RHCE: variants seen among roughly 807,000 people sequenced by gnomAD.
RHCE encodes Rh blood group CcEe antigens.
RHCE carries 22 observed loss-of-function variants against 43.8 expected under a neutral mutation model. The observed-to-expected ratio is 0.50, with a 90% CI of 0.36 to 0.72. The LOEUF (loss-of-function observed/expected upper bound fraction) is 0.72. Ranked by LOEUF, RHCE falls within the 30% of genes least tolerant of loss-of-function variation. RHCE has a pLI of 0.00. For synonymous variants in RHCE, 156 were observed against 210.7 expected, an observed-to-expected ratio of 0.74 and a Z score of 2.25; for missense variants, 385 against 525.4, an observed-to-expected ratio of 0.73 and a Z score of 2.61.
intron 8 of RHCE, among the ~76,000 whole-genome samples, chr1:25,373,688 A>G (rs1311176827): frequency 1.3e-5 from 2 of 151,674 alleles, no homozygotes; most frequent in Non-Finnish European, 2.9e-5. Context: ...GACATGCCCA[A>G]TGTCACCACA....
At chr1:25,419,294 G>A (rs1333179025) in intron 1 of RHCE, among the ~76,000 whole-genome samples, 1 of 152,202 alleles carries the variant, frequency 6.6e-6, no homozygotes, top group African/African-American at 2.4e-5. Context: ...TGAATGGAAT[G>A]CATTGAATTG....
chr1:25,381,317 C>A (rs1250360048), intron 7 of RHCE, among the ~76,000 whole-genome samples: 2 of 152,186 alleles, frequency 1.3e-5, no homozygotes, highest in Non-Finnish European at 1.5e-5. Context: ...CCTTCACCAG[C>A]CACATTTCTA....
intron 8 of RHCE, among the ~76,000 whole-genome samples, chr1:25,372,404 A>T (rs1250601799): frequency 6.6e-6 from 1 of 151,518 alleles, no homozygotes; most frequent in African/African-American, 2.4e-5. Flanking sequence ...CTGTAATCCC[A>T]GCTACTCAGG....
chr1:25,422,871 ATCCC>A (rs1401477907), upstream of RHCE, among the ~76,000 whole-genome samples: 1 of 152,128 alleles, frequency 6.6e-6, no homozygotes, highest in Non-Finnish European at 1.5e-5. Context: ...CGCAACCTAG[ATCCC>A]TCTCATGCGC....
chr1:25,368,980 C>G (rs1645517544), intron 9 of RHCE, among the ~76,000 whole-genome samples: 1 of 151,884 alleles, frequency 6.6e-6, no homozygotes, highest in South Asian at 2.1e-4. Context: ...AGGCTGGTCT[C>G]AAACTCCTGA....
intron 3 of RHCE, among the ~76,000 whole-genome samples, chr1:25,394,535 C>A (rs1007080487): frequency 9.9e-5 from 15 of 152,120 alleles, no homozygotes; most frequent in Admixed American, 2.6e-4. Context: ...TTTTATTTTT[C>A]TCTGTGGTAC....
chr1:25,370,227 T>C (rs1487148481), intron 9 of RHCE, among the ~76,000 whole-genome samples: 1 of 151,522 alleles, frequency 6.6e-6, no homozygotes, highest in East Asian at 1.9e-4. Context: ...AGCTGTCTCA[T>C]CCCTGACTCT....
intron 2 of RHCE, among the ~76,000 whole-genome samples, chr1:25,403,178 T>C (rs615972): frequency 1.1e-4 from 16 of 152,286 alleles, no homozygotes; most frequent in East Asian, 9.7e-4. Flanking sequence ...CACCCCATCC[T>C]CATCTGGGGC....
intron 3 of RHCE, among the ~76,000 whole-genome samples, chr1:25,396,325 G>T (rs1364728241): frequency 6.6e-6 from 1 of 152,100 alleles, no homozygotes; most frequent in African/African-American, 2.4e-5. Context: ...TTCTAGAAAG[G>T]ATATTATTGA....
intron 7 of RHCE, among the ~76,000 whole-genome samples, chr1:25,380,622 C>T: frequency 6.6e-6 from 1 of 152,192 alleles, no homozygotes; most frequent in East Asian, 1.9e-4. Flanking sequence ...GTGTATGCTG[C>T]CAAGGTTTAT....
rs386366538 is a variant in RHCE, at chr1:25,429,221, G to GT, written c.-136-173dup. On this transcript the variant is annotated intron_variant, in intron 1 of 11. Coordinates refer to the RHCE transcript ENST00000349320. ...CAAAATGGCATCTACTTCCTGGGAAGTTTTTTTTTTTTTTTTTTTTTTGAG... is the reference window on the plus strand; with the variant it reads ...CAAAATGGCATCTACTTCCTGGGAAGTTTTTTTTTTTTTTTTTTTTTTTGAG... 8.6e-3 allele frequency among the ~76,000 whole-genome samples: 965 copies of GT among 112,366 alleles called. 18 individuals carry two copies. The highest frequency in any genetic ancestry group is 0.013 in the African/African-American group (358 of 28,392). 73.7% of individuals were successfully genotyped at this position (112,366 alleles called of 152,430 possible).
At chr1:25,424,749 T>G (rs1303869268), upstream of RHCE, among the ~76,000 whole-genome samples, 1 of 152,102 alleles carries the variant, frequency 6.6e-6, no homozygotes, top group Non-Finnish European at 1.5e-5. Flanking sequence ...TGACAAGGGT[T>G]CCTTGTGTTC....
At chr1:25,384,055 T>G (rs1646077104) in intron 7 of RHCE, among the ~76,000 whole-genome samples, 1 of 151,260 alleles carries the variant, frequency 6.6e-6, no homozygotes, top group South Asian at 2.1e-4. Context: ...CATGGACTGA[T>G]AGGTCCCACC....
chr1:25,397,376 A>C (rs1229149923), intron 3 of RHCE, among the ~76,000 whole-genome samples: 1 of 151,370 alleles, frequency 6.6e-6, no homozygotes, highest in African/African-American at 2.4e-5. Flanking sequence ...GTGTGCCTGT[A>C]ATCTCAGCTA....
chr1:25,391,231 C>T (rs1365834948), intron 4 of RHCE, among the ~76,000 whole-genome samples: 1 of 152,264 alleles, frequency 6.6e-6, no homozygotes, highest in South Asian at 2.1e-4. Flanking sequence ...GTTGCCCAGG[C>T]TGGAGTGCAG....
intron 1 of RHCE, among the ~76,000 whole-genome samples, chr1:25,420,264 C>A (rs914959000): frequency 2.4e-4 from 36 of 152,144 alleles, no homozygotes; most frequent in East Asian, 5.8e-4. Context: ...CTTGCATAAG[C>A]TAGCTGCACT....
At chr1:25,387,642 T>C (rs1013473437) in intron 6 of RHCE, among the ~76,000 whole-genome samples, 28 of 152,162 alleles carry the variant, frequency 1.8e-4, no homozygotes, top group Non-Finnish European at 3.4e-4. Flanking sequence ...TAAAAGAAAT[T>C]TGTTCCCCTT....
intron 7 of RHCE, among the ~76,000 whole-genome samples, chr1:25,384,999 A>G (rs639468): frequency 1.4e-4 from 22 of 152,332 alleles, no homozygotes; most frequent in East Asian, 1.3e-3. Flanking sequence ...ATCTATCCCT[A>G]TATCGTGCCC....
At position 25,387,860 on chromosome 1, in the gene RHCE, G is replaced by A. The variant is rs28505167; in HGVS notation, c.939+1116C>T. Among the ~76,000 whole-genome samples the A allele has an allele frequency of 6.2e-3, 925 of 150,160 alleles. 14 individuals are homozygous for A. The highest frequency in any genetic ancestry group is 0.021 in the African/African-American group (864 of 40,754). On this transcript the variant is annotated intron_variant, in intron 6 of 9. Coordinates refer to ENST00000294413, the MANE Select transcript of RHCE (RefSeq NM_020485.8). ...TTTTAAGACAGAGTCTTGTTCTGTC[G>A]CCCAGGCTGGAGTGCAGTGGCGCAA...
Sources: allele counts gnomAD v4.1 joint callset (sites outside exome capture counted in the v4.1 genomes callset), GRCh38; gene constraint gnomAD v4.1.1; transcripts MANE v1.5; gene names NCBI Gene and HGNC (gene_info 2026-07-23, HGNC 2026-07-21).